The following RBFOX1 variants were observed in gnomAD, a reference collection of about 807,000 sequenced individuals.
RBFOX1 encodes RNA binding fox-1 homolog 1, also known as RNA binding protein fox-1 homolog 1.
In RBFOX1, 8 loss-of-function variants were observed where a neutral mutation model predicts 57.7. That is an observed-to-expected ratio of 0.14 (90% CI 0.08 to 0.25). The LOEUF (loss-of-function observed/expected upper bound fraction) is 0.25, where lower values mean the gene tolerates loss of function less well. Ranked by LOEUF, RBFOX1 falls within the 10% of genes least tolerant of loss-of-function variation. The probability of loss-of-function intolerance (pLI) is 1.00; values close to 1 mark genes in which losing one functional copy is unlikely to be tolerated. For missense variants in RBFOX1, 611 were observed against 548.5 expected (o/e 1.11, Z -1.14); for synonymous variants, 326 against 222.4 (o/e 1.47, Z -4.15).
At chr16:6,587,423 A>G (rs2097645240) in intron 2 of RBFOX1, among the ~76,000 whole-genome samples, 1 of 152,258 alleles carries the variant, frequency 6.6e-6, no homozygotes, top group African/African-American at 2.4e-5. Context: ...CTGGGATTAC[A>G]GGTGCACACC....
intron 5 of RBFOX1, among the ~76,000 whole-genome samples, chr16:7,575,346 G>T (rs1441866304): frequency 6.6e-6 from 1 of 152,044 alleles, no homozygotes; most frequent in East Asian, 1.9e-4. Flanking sequence ...TGTTGGTCAG[G>T]CTGGTCTTGA....
At chr16:5,600,269 C>G (rs2047321941), downstream of RBFOX1, 1 of 151,652 alleles carries the variant, frequency 6.6e-6, no homozygotes, top group African/African-American at 2.4e-5. Flanking sequence ...CCACTGCACC[C>G]CAGCCTGGAC....
chr16:6,081,721 G>C (rs935049076), intron 1 of RBFOX1, among the ~76,000 whole-genome samples: 8 of 152,180 alleles, frequency 5.3e-5, no homozygotes, highest in African/African-American at 1.9e-4. Flanking sequence ...TGGGGAAGAA[G>C]GTATCTAGCA....
rs2097066829 is a variant in RBFOX1, at chr16:6,554,823, GACAC to G, written c.-63-99774_-63-99771del. On this transcript the variant is annotated intron_variant, in intron 2 of 15. Coordinates refer to ENST00000550418, the MANE Select transcript of RBFOX1 (RefSeq NM_018723.4). Reference sequence around the variant, plus strand: ...ACACAGATAAACACACAGACACACAGACACACACAGACTCTCCCTCTCACTCTCG... The same window carrying G: ...ACACAGATAAACACACAGACACACAGACACAGACTCTCCCTCTCACTCTCG... 4.9e-5 allele frequency among the ~76,000 whole-genome samples: 7 copies of G among 143,172 alleles called. No individual in the cohort carries two copies. In the South Asian group the frequency reaches 1.5e-3, roughly 31 times the overall value. 93.9% of individuals were successfully genotyped at this position (143,172 alleles called of 152,430 possible). A position where few individuals can be genotyped will look rare whatever the true frequency, so the allele number is the denominator to read the frequency against.
At chr16:7,417,372 C>A (rs1411468180) in intron 4 of RBFOX1, among the ~76,000 whole-genome samples, 68 of 122,598 alleles carry the variant, frequency 5.5e-4, no homozygotes, top group East Asian at 1.1e-3. Context: ...GACTCTGTGT[C>A]AAAGAAAAAA....
At chr16:7,611,612 T>C (rs1466986218) in intron 10 of RBFOX1, among the ~76,000 whole-genome samples, 1 of 152,016 alleles carries the variant, frequency 6.6e-6, no homozygotes, top group Non-Finnish European at 1.5e-5. Context: ...TATTGATTTT[T>C]GTATGTAATG....
At chr16:6,775,779 T>C (rs1005632749) in intron 3 of RBFOX1, 3 of 152,188 alleles carry the variant, frequency 2.0e-5, no homozygotes, top group African/African-American at 7.2e-5. Context: ...AACAAGCATG[T>C]GAACAAATGC....
intron 4 of RBFOX1, among the ~76,000 whole-genome samples, chr16:5,878,690 G>A (rs1196311884): frequency 2.1e-5 from 3 of 145,816 alleles, no homozygotes; most frequent in Non-Finnish European, 4.5e-5. Flanking sequence ...AATGACAATC[G>A]GGGTCGAAAA....
intron 3 of RBFOX1, among the ~76,000 whole-genome samples, chr16:6,993,203 A>T (rs967071169): frequency 6.6e-6 from 1 of 151,020 alleles, no homozygotes; most frequent in Admixed American, 6.6e-5. Context: ...GCTGAATGGT[A>T]TTGATAGCTG....
At chr16:6,509,435 G>A (rs1031400950) in intron 2 of RBFOX1, among the ~76,000 whole-genome samples, 2 of 152,178 alleles carry the variant, frequency 1.3e-5, no homozygotes, top group African/African-American at 2.4e-5. Context: ...GCCAGGCACA[G>A]AAAGAGGAAC....
intron 4 of RBFOX1, among the ~76,000 whole-genome samples, chr16:5,968,058 A>G (rs1047160011): frequency 6.6e-6 from 1 of 152,144 alleles, no homozygotes; most frequent in African/African-American, 2.4e-5. Context: ...TTGACGGTCT[A>G]AAGCTCATTC....
intron 1 of RBFOX1, among the ~76,000 whole-genome samples, chr16:5,439,659 CG>C (rs1308272228): frequency 2.0e-5 from 3 of 152,010 alleles, no homozygotes; most frequent in Admixed American, 6.6e-5. Context: ...ATGAGAAAGA[CG>C]GGCCTCACTC....
intron 2 of RBFOX1, among the ~76,000 whole-genome samples, chr16:6,508,008 A>G (rs901852716): frequency 6.6e-6 from 1 of 152,202 alleles, no homozygotes; most frequent in South Asian, 2.1e-4. Flanking sequence ...TGTGGTACAT[A>G]TACATGATGG....
chr16:6,994,424 A>C (rs148091998), intron 3 of RBFOX1, among the ~76,000 whole-genome samples: 162 of 152,274 alleles, frequency 1.1e-3, no homozygotes, highest in African/African-American at 3.4e-3. Flanking sequence ...CAGGCACCCA[A>C]TTGTAAAAAC....
chr16:6,144,681 C>G (rs2096744165), intron 1 of RBFOX1, among the ~76,000 whole-genome samples: 1 of 152,250 alleles, frequency 6.6e-6, no homozygotes, highest in Non-Finnish European at 1.5e-5. Context: ...ACGATGCTGT[C>G]AGCTTTTCTC....
chr16:6,441,378 C>G (rs1430660133), intron 2 of RBFOX1, among the ~76,000 whole-genome samples: 2 of 152,020 alleles, frequency 1.3e-5, no homozygotes, highest in Admixed American at 6.6e-5. Context: ...TGCTTGTCAG[C>G]TTCGTTTTAT....
intron 2 of RBFOX1, among the ~76,000 whole-genome samples, chr16:6,467,546 A>G (rs1435638398): frequency 6.6e-6 from 1 of 152,198 alleles, no homozygotes; most frequent in Non-Finnish European, 1.5e-5. Flanking sequence ...GCTGTAGAAT[A>G]AAGAGAGCTG....
At chr16:6,792,546 GATGTCCCC>G (rs2083171966) in intron 3 of RBFOX1, among the ~76,000 whole-genome samples, 1 of 152,078 alleles carries the variant, frequency 6.6e-6, no homozygotes, top group South Asian at 2.1e-4. Flanking sequence ...TAAAAATTGA[GATGTCCCC>G]ATGTACACTC....
At chr16:6,072,258 G>A (rs1841235837) in intron 1 of RBFOX1, among the ~76,000 whole-genome samples, 1 of 152,054 alleles carries the variant, frequency 6.6e-6, no homozygotes, top group Non-Finnish European at 1.5e-5. Flanking sequence ...ACCTCCCACT[G>A]CGTCCCTCCC....
Sources: gnomAD v4.1 joint callset for allele counts (sites outside exome capture counted in the v4.1 genomes callset) on GRCh38, gnomAD v4.1.1 for gene constraint, MANE v1.5 for transcripts, NCBI Gene and HGNC (gene_info 2026-07-23, HGNC 2026-07-21) for gene names.